Variants in AXDND1 observed in about 807,000 individuals in gnomAD.
The protein encoded by AXDND1 is axonemal dynein light chain domain containing 1, also known as axonemal dynein light chain domain-containing protein 1.
In AXDND1, 110 loss-of-function variants were observed where a neutral mutation model predicts 137.5. The observed-to-expected ratio is 0.80, with a 90% CI of 0.69 to 0.94. The LOEUF is 0.94. Among genes scored for constraint, AXDND1 ranks in the 40% least tolerant of loss-of-function variants. The pLI is 0.00. For missense variants in AXDND1, 1,191 were observed against 1,169.8 expected (o/e 1.02, Z -0.26); for synonymous variants, 414 against 399.7 (o/e 1.04, Z -0.43).
intron 25 of AXDND1, among the ~76,000 whole-genome samples, chr1:179,541,691 A>AAT (rs1267351910): frequency 5.0e-5 from 7 of 139,722 alleles, no homozygotes; most frequent in South Asian, 2.2e-4. Context: ...ATTGCATGAT[A>AAT]ATATGCATGA....
At chr1:179,374,644 C>T (rs1010448857) in intron 4 of AXDND1, among the ~76,000 whole-genome samples, 34 of 151,864 alleles carry the variant, frequency 2.2e-4, no homozygotes, top group Admixed American at 3.3e-4. Context: ...ACTTTGTAGC[C>T]GTAAAAAAGG....
intron 15 of AXDND1, among the ~76,000 whole-genome samples, chr1:179,432,648 A>C (rs1364043858): frequency 6.6e-6 from 1 of 151,670 alleles, no homozygotes; most frequent in African/African-American, 2.4e-5. Flanking sequence ...ATGGTCTTGA[A>C]CTCCTGACCT....
intron 20 of AXDND1, among the ~76,000 whole-genome samples, chr1:179,496,014 T>G (rs1667414653): frequency 6.6e-6 from 1 of 151,834 alleles, no homozygotes; most frequent in Non-Finnish European, 1.5e-5. Context: ...TGAATTACAT[T>G]TATTGATTTT....
At chr1:179,475,665 G>A (rs1382852378) in intron 17 of AXDND1, among the ~76,000 whole-genome samples, 1 of 152,188 alleles carries the variant, frequency 6.6e-6, no homozygotes, top group Non-Finnish European at 1.5e-5. Context: ...GAAGGGACTT[G>A]CCTTGCTCAG....
chr1:179,519,553 T>C (rs1052492748), intron 21 of AXDND1, among the ~76,000 whole-genome samples: 1 of 152,236 alleles, frequency 6.6e-6, no homozygotes, highest in Non-Finnish European at 1.5e-5. Flanking sequence ...CCATCTTCAG[T>C]TAATTTTTGT....
At chr1:179,391,116 T>C (rs1472143552) in intron 9 of AXDND1, among the ~76,000 whole-genome samples, 3 of 152,082 alleles carry the variant, frequency 2.0e-5, no homozygotes, top group Middle Eastern at 3.4e-3. Context: ...TTCTTCTTTT[T>C]TTTTTTTTTT....
At chr1:179,444,219 T>C (rs1659407204) in intron 15 of AXDND1, among the ~76,000 whole-genome samples, 1 of 152,172 alleles carries the variant, frequency 6.6e-6, no homozygotes, top group Non-Finnish European at 1.5e-5. Context: ...TCTTACTTAC[T>C]CTTCATGGCT....
chr1:179,429,506 T>C lies in AXDND1; in HGVS notation c.1231-12T>C. On this transcript the variant is annotated splice_polypyrimidine_tract_variant and intron_variant, in intron 12 of 25. Transcript: ENST00000367618. ...GTTTTAGGTTCCTGATTATAGTACATTATTTTTATAGGTGATTGAAAGAAA... is the reference window on the plus strand; with the variant it reads ...GTTTTAGGTTCCTGATTATAGTACACTATTTTTATAGGTGATTGAAAGAAA... 3 of 1,397,068 alleles carry C rather than the reference T, an allele frequency of 2.1e-6. No homozygotes were observed. The highest frequency in any genetic ancestry group is 1.9e-6 in the Non-Finnish European group (2 of 1,037,382). The allele number at this position is 1,397,068 out of a possible 1,614,324, so 86.5% of individuals were successfully genotyped here.
At chr1:179,410,087 GTTTT>G (rs747472202) in intron 11 of AXDND1, among the ~76,000 whole-genome samples, 7 of 151,526 alleles carry the variant, frequency 4.6e-5, no homozygotes, top group Non-Finnish European at 1.0e-4. Context: ...ACCTGTATAA[GTTTT>G]TTTTTATTAT....
At chr1:179,420,481 A>G (rs898354510) in intron 12 of AXDND1, among the ~76,000 whole-genome samples, 3 of 152,066 alleles carry the variant, frequency 2.0e-5, no homozygotes, top group African/African-American at 7.2e-5. Flanking sequence ...TTCCTTTTCA[A>G]ATTTTTTGAA....
chr1:179,514,185 G>A (rs372661724), intron 21 of AXDND1, among the ~76,000 whole-genome samples: 12 of 152,002 alleles, frequency 7.9e-5, no homozygotes, highest in East Asian at 7.7e-4. Flanking sequence ...TATTCTTTCC[G>A]TCTTTTTGAT....
At chr1:179,376,827 C>A (rs1647339647) in intron 4 of AXDND1, among the ~76,000 whole-genome samples, 3 of 152,246 alleles carry the variant, frequency 2.0e-5, no homozygotes, top group Non-Finnish European at 4.4e-5. Context: ...AGCATATTTT[C>A]TGTCACTTAC....
At chr1:179,515,831 A>C (rs1273666538) in intron 21 of AXDND1, among the ~76,000 whole-genome samples, 4 of 152,212 alleles carry the variant, frequency 2.6e-5, no homozygotes, top group Non-Finnish European at 5.9e-5. Context: ...CATGCACTGC[A>C]TAAGGATGTT....
intron 11 of AXDND1, among the ~76,000 whole-genome samples, chr1:179,396,245 A>G (rs958960964): frequency 2.6e-5 from 4 of 151,906 alleles, no homozygotes; most frequent in East Asian, 1.9e-4. Flanking sequence ...CTGTATCTCT[A>G]TATATCTCCA....
chr1:179,461,643 G>A (rs1030929243), intron 16 of AXDND1, among the ~76,000 whole-genome samples: 7 of 152,190 alleles, frequency 4.6e-5, no homozygotes, highest in African/African-American at 1.4e-4. Flanking sequence ...ACCTTGGGCA[G>A]TATGGCCATT....
chr1:179,491,867 C>G, intron 19 of AXDND1, 130 bp downstream of exon 19: 3 of 810,858 alleles, frequency 3.7e-6, no homozygotes, highest in Non-Finnish European at 5.5e-6. Context: ...AGTTTTTCAA[C>G]TAGCTTTAAC....
chr1:179,542,630 A>G (rs1169259671), intron 25 of AXDND1, among the ~76,000 whole-genome samples: 1 of 152,240 alleles, frequency 6.6e-6, no homozygotes, highest in Non-Finnish European at 1.5e-5. Flanking sequence ...GAAGATAAAT[A>G]AGCAAACCAC....
intron 9 of AXDND1, among the ~76,000 whole-genome samples, chr1:179,388,976 CTTT>C (rs11373996): frequency 1.6e-4 from 18 of 112,528 alleles, no homozygotes; most frequent in African/African-American, 5.9e-4. Flanking sequence ...TTTTTAGATT[CTTT>C]TTTTTTTTTT....
chr1:179,533,318 A>G (rs916985256), intron 23 of AXDND1, among the ~76,000 whole-genome samples: 4 of 152,136 alleles, frequency 2.6e-5, no homozygotes, highest in African/African-American at 9.7e-5. Flanking sequence ...CAAGATCTAC[A>G]TCTTTAACTG....
Sources: allele counts gnomAD v4.1 joint callset (sites outside exome capture counted in the v4.1 genomes callset), GRCh38; gene constraint gnomAD v4.1.1; transcripts MANE v1.5; gene names NCBI Gene and HGNC (gene_info 2026-07-23, HGNC 2026-07-21).